Variants in PRKN observed in about 807,000 individuals in gnomAD.
PRKN encodes the protein parkin RBR E3 ubiquitin protein ligase.
Under a neutral mutation model 59.5 loss-of-function variants are expected in PRKN, and 56 were observed. The observed-to-expected ratio is 0.94, with a 90% CI of 0.76 to 1.18. The LOEUF (loss-of-function observed/expected upper bound fraction) is 1.18. PRKN is among the 50% of genes most tolerant of loss of function. PRKN has a pLI of 0.00. For missense variants in PRKN, 657 were observed against 596.4 expected (o/e 1.10, Z -1.06); for synonymous variants, 250 against 222.1 (o/e 1.13, Z -1.12).
intron 5 of PRKN, among the ~76,000 whole-genome samples, chr6:161,978,375 A>C (rs1041568455): frequency 2.6e-5 from 4 of 152,292 alleles, no homozygotes; most frequent in African/African-American, 9.6e-5. Flanking sequence ...GCTCCTGTAC[A>C]ATCAGTGGGC....
chr6:162,143,104 T>C (rs1378156757), intron 4 of PRKN, among the ~76,000 whole-genome samples: 1 of 152,208 alleles, frequency 6.6e-6, no homozygotes, highest in Non-Finnish European at 1.5e-5. Context: ...CAGAGGCCAC[T>C]AGCTAGTTGT....
rs370538498 is a variant in PRKN at position 162,349,559 on chromosome 6, C to T, written c.172-86794G>A. 5.9e-5 allele frequency among the ~76,000 whole-genome samples: 9 copies of T among 152,300 alleles called. No individual in the cohort carries two copies. In the East Asian group the frequency reaches 1.7e-3, roughly 29 times the overall value. Reference sequence around the variant, plus strand: ...AATACCAAAACCAGATAAAATATTACATTCCTCAGAAACAGATAAAAAATT... The same window carrying T: ...AATACCAAAACCAGATAAAATATTATATTCCTCAGAAACAGATAAAAAATT... On this transcript the variant is annotated intron_variant, in intron 2 of 11. Transcript: ENST00000366898.
At chr6:162,227,425 A>G (rs1778232342) in intron 3 of PRKN, among the ~76,000 whole-genome samples, 1 of 152,046 alleles carries the variant, frequency 6.6e-6, no homozygotes, top group South Asian at 2.1e-4. Flanking sequence ...ATTAGAACAC[A>G]GTTCCTGAAA....
At chr6:162,521,800 T>G (rs545376287) in intron 1 of PRKN, among the ~76,000 whole-genome samples, 1 of 152,120 alleles carries the variant, frequency 6.6e-6, no homozygotes, top group Admixed American at 6.5e-5. Flanking sequence ...ATGGTTCAAA[T>G]TGTTAAAAAA....
chr6:161,665,883 G>A lies in PRKN; in HGVS notation c.872-96467C>T, dbSNP rs576413216. ...CCTCACCACTGATGCGGAATATTAGGGCCCTCTGTCTTGTCTTTTCCAACA... is the reference window on the plus strand; with the variant it reads ...CCTCACCACTGATGCGGAATATTAGAGCCCTCTGTCTTGTCTTTTCCAACA... On this transcript the variant is annotated intron_variant, in intron 7 of 11. Transcript: ENST00000366898. Among the ~76,000 whole-genome samples, 7 of 152,202 alleles carry A rather than the reference G, an allele frequency of 4.6e-5. No individual in the cohort carries two copies. The East Asian group carries it at 1.4e-3, about 29-fold the overall frequency.
intron 9 of PRKN, among the ~76,000 whole-genome samples, chr6:161,515,475 T>A (rs533982803): frequency 1.3e-5 from 2 of 152,300 alleles, no homozygotes; most frequent in South Asian, 4.1e-4. Flanking sequence ...TTTTCAGGCA[T>A]TTGGTTGTGG....
rs963532958 is a variant in PRKN, at chr6:161,549,127, T to A, written c.934-124A>T. ...TTCAGTAAAATAATGCATGTGTGTG[T>A]GTGTGTGTGTGTGTAGGGGGAGGGA... On this transcript the variant is annotated intron_variant, in intron 8 of 11. Coordinates refer to ENST00000366898, the MANE Select transcript of PRKN (RefSeq NM_004562.3). The surrounding 1 kb of genome is among the most constrained non-coding windows in gnomAD (Gnocchi z 6.0). 2.1e-6 allele frequency: 2 copies of A among 955,330 alleles called. No homozygotes were observed. Among genetic ancestry groups the A allele is most frequent in the South Asian group, 2.9e-5 (2 of 70,016 alleles). The allele number at this position is 955,330 out of a possible 1,614,324, so 59.2% of individuals were successfully genotyped here. A position where few individuals can be genotyped will look rare whatever the true frequency, so the allele number is the denominator to read the frequency against.
intron 7 of PRKN, among the ~76,000 whole-genome samples, chr6:161,595,974 ATGT>A (rs1397259894): frequency 1.3e-5 from 2 of 152,310 alleles, no homozygotes; most frequent in South Asian, 4.1e-4. Flanking sequence ...CCTGCAACTA[ATGT>A]TGTCCTGTGG....
At chr6:162,346,893 A>C (rs1784426072) in intron 2 of PRKN, among the ~76,000 whole-genome samples, 1 of 151,900 alleles carries the variant, frequency 6.6e-6, no homozygotes, top group African/African-American at 2.4e-5. Flanking sequence ...ATATATCTAT[A>C]TATGTGTCTA....
chr6:162,142,870 A>C (rs182529228), intron 4 of PRKN, among the ~76,000 whole-genome samples: 4 of 152,372 alleles, frequency 2.6e-5, no homozygotes, highest in African/African-American at 7.2e-5. Context: ...ATAATGATAA[A>C]TACTACTAGT....
chr6:161,987,073 C>T (rs1026843495), intron 5 of PRKN, among the ~76,000 whole-genome samples: 2 of 152,146 alleles, frequency 1.3e-5, no homozygotes, highest in Non-Finnish European at 2.9e-5. Context: ...TTATTGCAGG[C>T]AGCACAAGCC....
chr6:162,313,540 T>A (rs934623695), intron 2 of PRKN, among the ~76,000 whole-genome samples: 12 of 152,018 alleles, frequency 7.9e-5, no homozygotes, highest in African/African-American at 2.9e-4. Context: ...CAGGCTGGAA[T>A]CCAATGGTGC....
Position 161,548,700 on chromosome 6 carries a change from T to C in PRKN, c.1083+154A>G. 1.4e-6 allele frequency: 1 copy of C among 728,062 alleles called. No individual in the cohort carries two copies. Among genetic ancestry groups the C allele is most frequent in the Non-Finnish European group, 2.3e-6 (1 of 428,334 alleles). The allele number at this position is 728,062 out of a possible 1,614,324, so 45.1% of individuals were successfully genotyped here. A position where few individuals can be genotyped will look rare whatever the true frequency, so the allele number is the denominator to read the frequency against. On this transcript the variant is annotated intron_variant, in intron 9 of 11. Transcript: ENST00000366898. The surrounding 1 kb of genome is among the most constrained non-coding windows in gnomAD (Gnocchi z 4.2). ...ATAAATTTTCAAATCTGGAGTCCTATAAAGGAATTTAAAATCTATTTTCTT... is the reference window on the plus strand; with the variant it reads ...ATAAATTTTCAAATCTGGAGTCCTACAAAGGAATTTAAAATCTATTTTCTT...
chr6:161,771,374 AAATAAAATAAAATAAAAT>A (rs1562670891), intron 7 of PRKN, among the ~76,000 whole-genome samples: 13 of 132,484 alleles, frequency 9.8e-5, no homozygotes, highest in African/African-American at 2.3e-4. Context: ...AAAAAAAATA[AAATAAAATAAAATAAAAT>A]AAAATAAAAG....
intron 6 of PRKN, among the ~76,000 whole-genome samples, chr6:161,789,254 T>C (rs1393854209): frequency 1.3e-5 from 2 of 152,146 alleles, no homozygotes; most frequent in African/African-American, 4.8e-5. Context: ...AAATGCTAAA[T>C]CAAAGAGGAG....
intron 9 of PRKN, among the ~76,000 whole-genome samples, chr6:161,437,923 T>A (rs925117208): frequency 1.3e-5 from 2 of 152,180 alleles, no homozygotes; most frequent in African/African-American, 4.8e-5. Context: ...GGCAGGTTGC[T>A]GGTGACTACT....
intron 2 of PRKN, among the ~76,000 whole-genome samples, chr6:162,367,840 C>T (rs1209104032): frequency 3.3e-5 from 5 of 152,000 alleles, no homozygotes; most frequent in East Asian, 3.9e-4. Flanking sequence ...CAGCTACTGC[C>T]CCCAGGACTC....
At chr6:162,110,043 T>C (rs1057035723) in intron 4 of PRKN, among the ~76,000 whole-genome samples, 2 of 152,268 alleles carry the variant, frequency 1.3e-5, no homozygotes, top group Non-Finnish European at 2.9e-5. Context: ...GTTCATAAGT[T>C]TGTTGTTTGC....
rs200063028 is a variant in PRKN, at chr6:161,827,532, CAG to C, written c.735-41626_735-41625del. The stretch of plus-strand genomic sequence containing the variant: ...TACTTTTTTTTTTTTTTTTTTGAGA[CAG>C]AGTCTCAATCTGTCACCCAGGCTGG... On this transcript the variant is annotated intron_variant, in intron 6 of 11. Coordinates refer to ENST00000366898, the MANE Select transcript of PRKN (RefSeq NM_004562.3). Among the ~76,000 whole-genome samples, 1,089 of 111,550 alleles carry C rather than the reference CAG, an allele frequency of 9.8e-3. 17 individuals carry two copies. Among genetic ancestry groups the C allele is most frequent in the African/African-American group, 0.037 (1,041 of 27,818 alleles). The allele number at this position is 111,550 out of a possible 152,430, so 73.2% of individuals were successfully genotyped here.
Sources: gnomAD v4.1 joint callset for allele counts (sites outside exome capture counted in the v4.1 genomes callset) on GRCh38, gnomAD v4.1.1 for gene constraint, Gnocchi (gnomAD v3.1) non-coding constraint, MANE v1.5 for transcripts, NCBI Gene and HGNC (gene_info 2026-07-23, HGNC 2026-07-21) for gene names.